LIPC: variants seen among roughly 807,000 people sequenced by gnomAD.
The protein encoded by LIPC is hepatic triacylglycerol lipase.
Under a neutral mutation model 50.7 loss-of-function variants are expected in LIPC, and 44 were observed. The ratio of observed to expected loss-of-function variants is 0.87; its 90% CI spans 0.68 to 1.11. The LOEUF (loss-of-function observed/expected upper bound fraction) is 1.11. LIPC is among the 50% of genes most tolerant of loss of function. LIPC has a pLI of 0.00. For missense variants in LIPC, 697 were observed against 648.2 expected (o/e 1.08, Z -0.82); for synonymous variants, 271 against 256.4 (o/e 1.06, Z -0.54).
At position 58,548,492 on chromosome 15, in the gene LIPC, T is replaced by A; in HGVS notation, c.971T>A (p.Leu324Gln). Reference protein sequence around the residue: ...LSCKKGRCNTLGYHVRQEPRS... With the variant: ...LSCKKGRCNTQGYHVRQEPRS... Reference sequence around the variant, plus strand: ...TGCAAGAAGGGCCGCTGCAACACGCTGGGCTACCACGTCCGCCAGGAGCCG... The same window carrying A: ...TGCAAGAAGGGCCGCTGCAACACGCAGGGCTACCACGTCCGCCAGGAGCCG... The change falls in exon 6 of 9, where the codon CTG (leucine) becomes CAG (glutamine). Residue 324 changes from leucine (L) to glutamine (Q), a missense_variant. Transcript: ENST00000299022. The A allele has an allele frequency of 1.2e-6, 2 of 1,609,742 alleles. No homozygotes were observed. The highest frequency in any genetic ancestry group is 1.7e-6 in the Non-Finnish European group (2 of 1,177,912).
chr15:58,515,533 C>CACACATATATATATATAT (rs147594972), intron 1 of LIPC, among the ~76,000 whole-genome samples: 3 of 141,696 alleles, frequency 2.1e-5, no homozygotes, highest in African/African-American at 8.1e-5. Context: ...TATACACACA[C>CACACATATATATATATAT]ATATATATAT....
intron 1 of LIPC, among the ~76,000 whole-genome samples, chr15:58,470,677 G>A (rs976365740): frequency 8.7e-5 from 13 of 149,058 alleles, no homozygotes; most frequent in South Asian, 4.2e-4. Flanking sequence ...TCGGCTCACC[G>A]CAACCTCCGC....
chr15:58,538,610 G>A (rs1337599779), intron 2 of LIPC, 93 bp downstream of exon 2: 25 of 1,262,902 alleles, frequency 2.0e-5, no homozygotes, highest in Non-Finnish European at 2.5e-5. Context: ...ATAGGGAGCT[G>A]GTGATAACAA....
intron 1 of LIPC, among the ~76,000 whole-genome samples, chr15:58,490,875 G>C (rs1410930703): frequency 6.6e-6 from 1 of 152,144 alleles, no homozygotes; most frequent in African/African-American, 2.4e-5. Flanking sequence ...GTCTCTGAGA[G>C]CCCAGAGCCT....
chr15:58,447,484 C>T (rs1893740468), intron 1 of LIPC, among the ~76,000 whole-genome samples: 1 of 152,192 alleles, frequency 6.6e-6, no homozygotes, highest in African/African-American at 2.4e-5. Context: ...TTGTGAGTTT[C>T]TGTGGAACCA....
At position 58,545,821 on chromosome 15, in the gene LIPC, T is replaced by C. The variant is rs1893506392; in HGVS notation, c.654T>C (p.Asp218=). 1 of 1,614,214 alleles carries C rather than the reference T, an allele frequency of 6.2e-7. No homozygotes were observed. The highest frequency in any genetic ancestry group is 8.5e-7 in the Non-Finnish European group (1 of 1,180,042). Residue 218 remains aspartate, a synonymous_variant, in exon 5 of 9, where the codon GAT becomes GAC. Transcript: ENST00000299022. ...CTCCAGATGATGCCAATTTTGTGGA[T>C]GCCATTCATACCTTTACCCGGGAGC... The part of the protein sequence containing the change: ...RLSPDDANFV[D]AIHTFTREHM...
intron 1 of LIPC, among the ~76,000 whole-genome samples, chr15:58,448,653 G>T (rs987718824): frequency 6.6e-6 from 1 of 152,228 alleles, no homozygotes; most frequent in African/African-American, 2.4e-5. Context: ...CTGGCTAGGA[G>T]CTTCCCTGGA....
rs504846 is a variant in LIPC, at chr15:58,443,994, T to C, written c.88+11874T>C. Among the ~76,000 whole-genome samples, 487 of 152,308 alleles carry C rather than the reference T, an allele frequency of 3.2e-3. 5 individuals are homozygous for C. Among genetic ancestry groups the C allele is most frequent in the African/African-American group, 0.011 (470 of 41,558 alleles). On this transcript the variant is annotated intron_variant, in intron 1 of 8. Coordinates refer to ENST00000299022, the MANE Select transcript of LIPC (RefSeq NM_000236.3). ...ATCACAATGGTGGAGTGTCATCAGT[T>C]AAGGCTATTTTCACTTCTTTTGTGG... is the stretch of plus-strand genomic sequence containing the variant.
chr15:58,454,560 T>C (rs1431239180), intron 1 of LIPC: 1 of 152,214 alleles, frequency 6.6e-6, no homozygotes, highest in Non-Finnish European at 1.5e-5. Flanking sequence ...GTCTGAATGA[T>C]TCACTTCTGC....
intron 1 of LIPC, among the ~76,000 whole-genome samples, chr15:58,437,591 G>A (rs1893348787): frequency 6.6e-6 from 1 of 152,068 alleles, no homozygotes; most frequent in African/African-American, 2.4e-5. Context: ...GTCATCCCAA[G>A]ACGACCCCCG....
At chr15:58,474,890 A>C (rs1420175724) in intron 1 of LIPC, among the ~76,000 whole-genome samples, 3 of 152,198 alleles carry the variant, frequency 2.0e-5, no homozygotes, top group Admixed American at 6.5e-5. Flanking sequence ...GCCCCATCCC[A>C]GAGAGCAACT....
chr15:58,485,794 G>C (rs573482699), intron 1 of LIPC, among the ~76,000 whole-genome samples: 1 of 152,366 alleles, frequency 6.6e-6, no homozygotes, highest in Non-Finnish European at 1.5e-5. Context: ...CTGAGGGAGA[G>C]GTGGGCTTGG....
At chr15:58,437,939 A>G (rs1200996096) in intron 1 of LIPC, among the ~76,000 whole-genome samples, 1 of 152,132 alleles carries the variant, frequency 6.6e-6, no homozygotes, top group Non-Finnish European at 1.5e-5. Flanking sequence ...TCCACCCTGG[A>G]GAGACGGGGG....
chr15:58,544,130 T>C (rs1893438544), intron 4 of LIPC, among the ~76,000 whole-genome samples: 1 of 152,142 alleles, frequency 6.6e-6, no homozygotes, highest in Non-Finnish European at 1.5e-5. Context: ...CCCCATGGAT[T>C]TAACCCACAA....
intron 1 of LIPC, among the ~76,000 whole-genome samples, chr15:58,439,071 G>T (rs1427345486): frequency 6.6e-6 from 1 of 152,224 alleles, no homozygotes; most frequent in Non-Finnish European, 1.5e-5. Flanking sequence ...CCAGTGGACT[G>T]GCAGTGGCCC....
intron 7 of LIPC, 89 bp from the exon 8 acceptor site, chr15:58,563,416 G>T: frequency 8.9e-7 from 1 of 1,122,416 alleles, no homozygotes; most frequent in Non-Finnish European, 1.3e-6. Flanking sequence ...AAGTCATTCA[G>T]GGAAACACAA....
chr15:58,487,046 A>C (rs538154199), intron 1 of LIPC, among the ~76,000 whole-genome samples: 3 of 152,330 alleles, frequency 2.0e-5, no homozygotes, highest in African/African-American at 7.2e-5. Context: ...TGGTTCTGGC[A>C]TACAAAGTCA....
chr15:58,547,215 G>T (rs1893562376), intron 5 of LIPC, among the ~76,000 whole-genome samples: 1 of 152,184 alleles, frequency 6.6e-6, no homozygotes, highest in Non-Finnish European at 1.5e-5. Context: ...TGTTTGAAAG[G>T]GTTCCTGGGG....
chr15:58,517,684 C>T lies in LIPC; in HGVS notation c.89-20649C>T, dbSNP rs181179038. ...GAAATTGAACACAGGGCAACAGAAA[C>T]CCTGCCGAAACTATTCTTGCATTGA... On this transcript the variant is annotated intron_variant, in intron 1 of 8. Coordinates refer to ENST00000299022, the MANE Select transcript of LIPC (RefSeq NM_000236.3). 8.5e-4 allele frequency among the ~76,000 whole-genome samples: 130 copies of T among 152,334 alleles called. 1 individual carries two copies. The highest frequency in any genetic ancestry group is 1.3e-3 in the Non-Finnish European group (88 of 68,040).
Sources: gnomAD v4.1 joint callset for allele counts (sites outside exome capture counted in the v4.1 genomes callset) on GRCh38, gnomAD v4.1.1 for gene constraint, MANE v1.5 for transcripts, NCBI Gene and HGNC (gene_info 2026-07-23, HGNC 2026-07-21) for gene names.